The following EIF1AY variants were observed in gnomAD, a reference collection of about 807,000 sequenced individuals.
The protein encoded by EIF1AY is eukaryotic translation initiation factor 1A, Y-chromosomal.
For synonymous variants in EIF1AY, 16 were observed against 9.9 expected, an observed-to-expected ratio of 1.62 and a Z score of -1.16; for missense variants, 19 against 30.6, an observed-to-expected ratio of 0.62 and a Z score of 0.89.
Position 20,578,646 on chromosome Y carries a change from G to C in EIF1AY, c.17-962G>C, listed in dbSNP as rs763922048. Among the ~76,000 whole-genome samples the C allele has an allele frequency of 3.0e-4, 10 of 33,829 alleles. No individual in the cohort carries two copies. In the South Asian group the frequency reaches 6.5e-3, roughly 22 times the overall value. The allele number at this position is 33,829 out of a possible 37,273, so 90.8% of individuals were successfully genotyped here. On this transcript the variant is annotated intron_variant, in intron 1 of 6. Transcript: ENST00000361365. Reference sequence around the variant, plus strand: ...AATGTGAGACTGCCCCAGAGGTAGTGGGTGAATTCAAGAAGTTAGATGTCT... The same window carrying C: ...AATGTGAGACTGCCCCAGAGGTAGTCGGTGAATTCAAGAAGTTAGATGTCT...
chrY:20,583,281 T>A (rs780869630), intron 3 of EIF1AY, among the ~76,000 whole-genome samples: 19 of 1,010 alleles, frequency 0.019, no homozygotes, highest in African/African-American at 0.032. Context: ...TAGTCCCAGC[T>A]ACTGAGGAGG....
intron 1 of EIF1AY, among the ~76,000 whole-genome samples, chrY:20,578,994 T>C: frequency 2.9e-5 from 1 of 34,013 alleles, no homozygotes; most frequent in Non-Finnish European, 7.3e-5. Context: ...ATGTAAACTT[T>C]AAACTAGAAA....
intron 4 of EIF1AY, chrY:20,587,389 T>C (rs1198523153): frequency 6.1e-5 from 2 of 32,703 alleles, no homozygotes; most frequent in East Asian, 1.6e-3. Context: ...CCTGGGTTCA[T>C]GCCATTCTCC....
chrY:20,581,333 T>G, intron 2 of EIF1AY, among the ~76,000 whole-genome samples: 2 of 33,004 alleles, frequency 6.1e-5, no homozygotes, highest in African/African-American at 1.2e-4. Flanking sequence ...TGTAGCTTTT[T>G]TTTGTTTGTT....
intron 6 of EIF1AY, among the ~76,000 whole-genome samples, chrY:20,590,537 G>A: frequency 3.3e-5 from 1 of 30,593 alleles, no homozygotes; most frequent in South Asian, 7.7e-4. Context: ...AGGAGGCTGA[G>A]GCAGGATAAT....
intron 5 of EIF1AY, 21 bp downstream of exon 5, chrY:20,588,126 TCTC>T (rs2089356126): frequency 3.2e-6 from 1 of 308,877 alleles, no homozygotes; most frequent in Non-Finnish European, 4.8e-6. Flanking sequence ...AATGATTTTA[TCTC>T]CTCATTATTT....
intron 3 of EIF1AY, among the ~76,000 whole-genome samples, chrY:20,584,042 T>C: frequency 6.1e-5 from 2 of 32,776 alleles, no homozygotes; most frequent in Non-Finnish European, 1.5e-4. Context: ...CAGATATATA[T>C]ATTTCAGGGT....
intron 6 of EIF1AY, among the ~76,000 whole-genome samples, chrY:20,591,823 G>A (rs915848392): frequency 3.0e-5 from 1 of 33,115 alleles, no homozygotes; most frequent in Admixed American, 2.7e-4. Context: ...TCAGGGAGTG[G>A]GGGGGAGTAT....
Position 20,584,541 on chromosome Y carries a change from A to T in EIF1AY, c.255+17A>T. The T allele has an allele frequency of 7.1e-6, 2 of 280,472 alleles. No homozygotes were observed. Among genetic ancestry groups the T allele is most frequent in the Non-Finnish European group, 5.2e-6 (1 of 193,078 alleles). The allele number at this position is 280,472 out of a possible 400,897, so 70.0% of individuals were successfully genotyped here. On this transcript the variant is annotated intron_variant, in intron 4 of 6. Coordinates refer to ENST00000361365, the MANE Select transcript of EIF1AY (RefSeq NM_004681.4). ...GACTATCAGGTAAAAATAACATTTA[A>T]AGTTGTGGTATGTCTGTGTTTAAGC...
intron 6 of EIF1AY, among the ~76,000 whole-genome samples, chrY:20,591,610 A>G: frequency 3.0e-5 from 1 of 33,825 alleles, no homozygotes; most frequent in African/African-American, 1.2e-4. Context: ...GGGATTAAAC[A>G]GAATTGGCAT....
chrY:20,585,831 C>CA (rs2089354138), intron 4 of EIF1AY, among the ~76,000 whole-genome samples: 1 of 22,912 alleles, frequency 4.4e-5, no homozygotes, highest in Non-Finnish European at 1.0e-4. Context: ...TTTTTTAAAT[C>CA]TTTTTTTTTT....
At chrY:20,587,045 T>G (rs2089354862) in intron 4 of EIF1AY, 1 of 33,044 alleles carries the variant, frequency 3.0e-5, no homozygotes, top group Non-Finnish European at 7.4e-5. Context: ...CCAAGTTGGA[T>G]AAAATACTTT....
chrY:20,590,065 TGAGA>T (rs2089357840), intron 6 of EIF1AY, among the ~76,000 whole-genome samples: 1 of 28,813 alleles, frequency 3.5e-5, no homozygotes, highest in South Asian at 8.5e-4. Context: ...TTCCCTCTCT[TGAGA>T]GAGAGAGAGG....
intron 4 of EIF1AY, 126 bp from the exon 5 acceptor site, chrY:20,587,898 G>C (rs13447351): frequency 6.3e-6 from 1 of 158,386 alleles, no homozygotes; most frequent in Admixed American, 1.2e-4. Flanking sequence ...GCAAAGAAAA[G>C]CAGGAGAGTT....
intron 2 of EIF1AY, among the ~76,000 whole-genome samples, chrY:20,581,380 G>A: frequency 3.1e-5 from 1 of 32,043 alleles, no homozygotes; most frequent in Non-Finnish European, 7.6e-5. Context: ...TGGCCAGGTT[G>A]GAGTGCAGTG....
At chrY:20,585,539 A>G in intron 4 of EIF1AY, among the ~76,000 whole-genome samples, 1 of 33,469 alleles carries the variant, frequency 3.0e-5, no homozygotes, top group African/African-American at 1.2e-4. Context: ...TGTCAAGTCT[A>G]AGTTGGTTTG....
intron 3 of EIF1AY, among the ~76,000 whole-genome samples, chrY:20,583,970 C>G (rs750136309): frequency 6.0e-5 from 2 of 33,276 alleles, no homozygotes; most frequent in Admixed American, 5.5e-4. Flanking sequence ...TTAAGAAACT[C>G]AACTGGGTAC....
At chrY:20,578,687 A>G (rs973154356) in intron 1 of EIF1AY, among the ~76,000 whole-genome samples, 4 of 33,353 alleles carry the variant, frequency 1.2e-4, no homozygotes, top group African/African-American at 2.4e-4. Flanking sequence ...TATGGTGGCC[A>G]GGTATATGTT....
chrY:20,576,879 C>T, intron 1 of EIF1AY, among the ~76,000 whole-genome samples: 2 of 33,910 alleles, frequency 5.9e-5, no homozygotes, highest in Non-Finnish European at 1.5e-4. Flanking sequence ...TTACTCTTTG[C>T]TCTCCCGAAA....
Sources: gnomAD v4.1 joint callset for allele counts (sites outside exome capture counted in the v4.1 genomes callset) on GRCh38, gnomAD v4.1.1 for gene constraint, MANE v1.5 for transcripts, NCBI Gene and HGNC (gene_info 2026-07-23, HGNC 2026-07-21) for gene names.